Variants in TBL1Y observed in about 807,000 individuals in gnomAD.
TBL1Y encodes F-box-like/WD repeat-containing protein TBL1Y.
In TBL1Y, 15 loss-of-function variants were observed where a neutral mutation model predicts 12.0. The observed-to-expected ratio is 1.25, with a 90% CI of 0.83 to 1.92. The LOEUF (loss-of-function observed/expected upper bound fraction) is 1.92. Among genes scored for constraint, TBL1Y ranks in the 40% most tolerant of loss-of-function variants. TBL1Y has a pLI of 0.00. For missense variants in TBL1Y, 148 were observed against 116.7 expected (o/e 1.27, Z -1.24); for synonymous variants, 53 against 42.6 (o/e 1.24, Z -0.95).
chrY:7,049,297 T>A, intron 7 of TBL1Y, among the ~76,000 whole-genome samples: 2 of 33,839 alleles, frequency 5.9e-5, no homozygotes, highest in African/African-American at 2.3e-4. Context: ...ACATTTGGGT[T>A]GGTTCCAGGT....
intron 3 of TBL1Y, among the ~76,000 whole-genome samples, chrY:6,989,603 CT>C (rs2012348968): frequency 3.0e-5 from 1 of 33,323 alleles, no homozygotes; most frequent in African/African-American, 1.2e-4. Flanking sequence ...TGGAGGAGCC[CT>C]GCTTTCTATT....
rs796527782 is a variant in TBL1Y at position 7,070,823 on chromosome Y, G to A, written c.694G>A (p.Val232Ile). ...TTGTATACGAGAAGGGGGGCACGAC[G>A]TCCCAAGTAATAAAGATGTCACCTC... Reference protein sequence around the residue: ...RHCIREGGHDVPSNKDVTSLD... With the variant: ...RHCIREGGHDIPSNKDVTSLD... Residue 232 changes from valine (V) to isoleucine (I), a missense_variant, in exon 10 of 19, where the codon GTC becomes ATC. Val to Ile is a conservative substitution (Grantham distance 29). Coordinates refer to ENST00000383032, the MANE Select transcript of TBL1Y (RefSeq NM_033284.2). The A allele has an allele frequency of 7.6e-6, 3 of 393,895 alleles. No individual in the cohort carries two copies. The highest frequency in any genetic ancestry group is 1.1e-5 in the Non-Finnish European group (3 of 281,587).
At chrY:7,068,840 T>C in intron 8 of TBL1Y, among the ~76,000 whole-genome samples, 1 of 26,016 alleles carries the variant, frequency 3.8e-5, no homozygotes, top group Non-Finnish European at 8.6e-5. Context: ...AGTATACCAA[T>C]TGCCCTCTTG....
intron 17 of TBL1Y, among the ~76,000 whole-genome samples, chrY:7,089,866 G>T (rs2013164266): frequency 3.0e-5 from 1 of 33,130 alleles, no homozygotes; most frequent in Admixed American, 2.7e-4. Context: ...ATATGATGGT[G>T]GATTCTGTGG....
chrY:6,956,841 T>G, intron 2 of TBL1Y, among the ~76,000 whole-genome samples: 1 of 33,755 alleles, frequency 3.0e-5, no homozygotes, highest in African/African-American at 1.2e-4. Context: ...ATAATATCAA[T>G]GCAATCTGAT....
chrY:6,981,778 T>G (rs2012283546), intron 3 of TBL1Y, among the ~76,000 whole-genome samples: 1 of 32,943 alleles, frequency 3.0e-5, no homozygotes, highest in African/African-American at 1.2e-4. Flanking sequence ...TGACCAATTA[T>G]CTGAGAGTTT....
intron 4 of TBL1Y, among the ~76,000 whole-genome samples, chrY:7,007,040 A>G: frequency 2.9e-5 from 1 of 34,026 alleles, no homozygotes; most frequent in Admixed American, 2.7e-4. Flanking sequence ...CTACTTAAAT[A>G]TGAAAGCTGC....
chrY:7,001,502 C>T (rs2012450933), intron 4 of TBL1Y, among the ~76,000 whole-genome samples: 2 of 32,168 alleles, frequency 6.2e-5, no homozygotes, highest in Non-Finnish European at 1.5e-4. Context: ...GCCTGTAGTC[C>T]CAGCTACTCA....
At chrY:7,063,366 C>G in intron 7 of TBL1Y, among the ~76,000 whole-genome samples, 2 of 33,794 alleles carry the variant, frequency 5.9e-5, no homozygotes, top group African/African-American at 2.3e-4. Context: ...CACGTGACCC[C>G]TCCTGCTGTG....
chrY:7,059,658 A>G (rs942406567), intron 7 of TBL1Y, among the ~76,000 whole-genome samples: 7 of 33,851 alleles, frequency 2.1e-4, no homozygotes, highest in Admixed American at 1.9e-3. Context: ...AAGATAAACT[A>G]AGTATGAAAT....
At chrY:7,058,056 C>T in intron 7 of TBL1Y, among the ~76,000 whole-genome samples, 2 of 33,578 alleles carry the variant, frequency 6.0e-5, no homozygotes, top group African/African-American at 1.2e-4. Context: ...AGTCAAAAGA[C>T]CCTTAAGGGG....
rs748487059 is a variant in TBL1Y, at chrY:7,086,317, G to A, written c.1180G>A (p.Val394Ile). The change falls in exon 16 of 19, where the codon GTC (valine) becomes ATC (isoleucine). Residue 394 changes from valine (V) to isoleucine (I), a missense_variant. By Grantham distance (29) the Val-to-Ile change is conservative (BLOSUM62 3). Coordinates refer to ENST00000383032, the MANE Select transcript of TBL1Y (RefSeq NM_033284.2). Reference protein sequence around the residue: ...KIWSMKQDACVHDLQAHSKEI... With the variant: ...KIWSMKQDACIHDLQAHSKEI... ...CTGGAGTATGAAGCAGGATGCATGC[G>A]TCCACGATCTTCAGGCTCACAGCAA... 2.3e-5 allele frequency: 9 copies of A among 384,819 alleles called. No homozygotes were observed. Among genetic ancestry groups the A allele is most frequent in the Non-Finnish European group, 3.3e-5 (9 of 275,076 alleles).
intron 7 of TBL1Y, among the ~76,000 whole-genome samples, chrY:7,062,894 C>A: frequency 2.9e-5 from 1 of 34,044 alleles, no homozygotes; most frequent in Admixed American, 2.6e-4. Context: ...GCGGCTTTCT[C>A]ATCGTGGTCC....
intron 4 of TBL1Y, among the ~76,000 whole-genome samples, chrY:7,019,982 A>G (rs1342333116): frequency 4.0e-4 from 13 of 32,910 alleles, no homozygotes; most frequent in Admixed American, 3.4e-3. Context: ...TTGTTTTTCA[A>G]TGTACTCTAA....
At chrY:6,965,306 T>C (rs2012161559) in intron 2 of TBL1Y, among the ~76,000 whole-genome samples, 1 of 33,160 alleles carries the variant, frequency 3.0e-5, no homozygotes, top group Non-Finnish European at 7.4e-5. Flanking sequence ...TTGCCTTGAC[T>C]GAGCCATTAC....
chrY:7,064,826 T>C (rs2012965042), intron 8 of TBL1Y, among the ~76,000 whole-genome samples: 1 of 33,685 alleles, frequency 3.0e-5, no homozygotes, highest in South Asian at 6.8e-4. Flanking sequence ...ATTCTTAAAG[T>C]GCCTCTCTGG....
At chrY:6,968,071 C>T in intron 2 of TBL1Y, among the ~76,000 whole-genome samples, 1 of 33,236 alleles carries the variant, frequency 3.0e-5, no homozygotes, top group Non-Finnish European at 7.4e-5. Context: ...TCTGTCTGTG[C>T]CCTCATCTCC....
At chrY:6,985,267 T>G (rs2124130036) in intron 3 of TBL1Y, among the ~76,000 whole-genome samples, 1 of 33,945 alleles carries the variant, frequency 2.9e-5, no homozygotes, top group South Asian at 6.7e-4. Flanking sequence ...TGGGCACTTC[T>G]CTCTCTGGCT....
At chrY:7,074,238 G>A in intron 12 of TBL1Y, among the ~76,000 whole-genome samples, 1 of 33,653 alleles carries the variant, frequency 3.0e-5, no homozygotes, top group Non-Finnish European at 7.3e-5. Flanking sequence ...GAAACATGGC[G>A]TGCTTCAAAG....
Sources: allele counts gnomAD v4.1 joint callset (sites outside exome capture counted in the v4.1 genomes callset), GRCh38; gene constraint gnomAD v4.1.1; transcripts MANE v1.5; gene names NCBI Gene and HGNC (gene_info 2026-07-23, HGNC 2026-07-21).